Variants in LUM observed in about 807,000 individuals in gnomAD.
LUM encodes KSPG lumican.
In LUM, 13 loss-of-function variants were observed where a neutral mutation model predicts 20.5. The ratio of observed to expected loss-of-function variants is 0.63; its 90% CI spans 0.41 to 1.01. The LOEUF is 1.01. LUM is among the 50% of genes least tolerant of loss of function. LUM has a pLI of 0.00. For missense variants in LUM, 321 were observed against 391.1 expected (o/e 0.82, Z 1.51); for synonymous variants, 173 against 151.5 (o/e 1.14, Z -1.04).
At chr12:91,109,489 G>C (rs930588163) in intron 1 of LUM, among the ~76,000 whole-genome samples, 15 of 152,124 alleles carry the variant, frequency 9.9e-5, no homozygotes, top group Non-Finnish European at 1.9e-4. Context: ...TTGTATGTGG[G>C]AGGGAAATGG....
At chr12:91,110,587 T>A (rs534067495) in intron 1 of LUM, among the ~76,000 whole-genome samples, 1 of 152,324 alleles carries the variant, frequency 6.6e-6, no homozygotes, top group South Asian at 2.1e-4. Flanking sequence ...TAAAGATTTG[T>A]CTTGCTTTAT....
chr12:91,108,301 G>T lies in LUM; in HGVS notation c.679C>A (p.Arg227Ser). ...CGCAGATACTGCAATGCATTAAAACGCTTGAAATACTCATCAGGGATGTTG... is the reference window on the plus strand; with the variant it reads ...CGCAGATACTGCAATGCATTAAAACTCTTGAAATACTCATCAGGGATGTTG... ...ISNIPDEYFK[R>S]FNALQYLRLS... Residue 227 changes from arginine to serine, a missense_variant, in exon 2 of 3, where the codon CGT (arginine) becomes AGT (serine). Physicochemically the swap from Arg to Ser is moderately radical, Grantham distance 110. Coordinates refer to ENST00000266718, the MANE Select transcript of LUM (RefSeq NM_002345.4). The surrounding 1 kb of genome is among the most constrained non-coding windows in gnomAD (Gnocchi z 4.2). 6.2e-7 allele frequency: 1 copy of T among 1,614,130 alleles called. No individual in the cohort carries two copies.
At chr12:91,105,021 CTA>C (rs1879999985) in intron 2 of LUM, among the ~76,000 whole-genome samples, 1 of 152,158 alleles carries the variant, frequency 6.6e-6, no homozygotes, top group Non-Finnish European at 1.5e-5. Context: ...TACACAGAAA[CTA>C]TGTTTGCCTA....
In LUM at chr12:91,108,620, C is replaced by T; in HGVS notation, c.360G>A (p.Lys120=). 1 of 1,613,706 alleles carries T rather than the reference C, an allele frequency of 6.2e-7. No homozygotes were observed. Among genetic ancestry groups the T allele is most frequent in the Non-Finnish European group, 8.5e-7 (1 of 1,179,898 alleles). The part of the protein sequence containing the change: ...RVFSKLKQLK[K]LHINHNNLTE... ...TCAGGTTGTTGTGGTTTATATGCAG[C>T]TTCTTCAGTTGTTTCAATTTAGAGA... is the stretch of plus-strand genomic sequence containing the variant. Residue 120 remains lysine, a synonymous_variant, in exon 2 of 3, where the codon AAG becomes AAA. Transcript: ENST00000266718. This position sits in a 1 kb window ranked among gnomAD's most constrained non-coding sequence, Gnocchi z 4.2.
intron 2 of LUM, among the ~76,000 whole-genome samples, chr12:91,104,696 G>A (rs1879993736): frequency 6.6e-6 from 1 of 152,080 alleles, no homozygotes; most frequent in East Asian, 1.9e-4. Context: ...AACAATCTCA[G>A]TATAAGTACT....
At position 91,107,241 on chromosome 12, in the gene LUM, A is replaced by G. The variant is rs574510264; in HGVS notation, c.862+877T>C. On this transcript the variant is annotated intron_variant, in intron 2 of 2. Coordinates refer to ENST00000266718, the MANE Select transcript of LUM (RefSeq NM_002345.4). The stretch of plus-strand genomic sequence containing the variant: ...AGAGAAAGAAGAAAGAAAGAAAGGA[A>G]AGAAAGAAAGAAAGAAAGAAAGAAA... 1.1e-3 allele frequency among the ~76,000 whole-genome samples: 31 copies of G among 27,144 alleles called. 1 individual carries two copies. Among genetic ancestry groups the G allele is most frequent in the African/African-American group, 2.8e-3 (27 of 9,680 alleles). The allele number at this position is 27,144 out of a possible 152,430, so 17.8% of individuals were successfully genotyped here.
At position 91,108,099 on chromosome 12, in the gene LUM, G is replaced by T. The variant is rs1325896994; in HGVS notation, c.862+19C>A. ...AACACTTGAGCACACATCAAACACA[G>T]GAACAGCTTTTTACTTACTCTCAAG... On this transcript the variant is annotated intron_variant, in intron 2 of 2. Transcript: ENST00000266718. This position sits in a 1 kb window ranked among gnomAD's most constrained non-coding sequence, Gnocchi z 4.2. 1.9e-6 allele frequency: 3 copies of T among 1,613,496 alleles called. No homozygotes were observed. The South Asian group carries it at 3.3e-5, about 18-fold the overall frequency.
intron 1 of LUM, among the ~76,000 whole-genome samples, chr12:91,110,216 T>G (rs1308767775): frequency 6.6e-6 from 1 of 152,184 alleles, no homozygotes; most frequent in Non-Finnish European, 1.5e-5. Context: ...TTCTAATAGA[T>G]AACTGAGAAT....
At position 91,108,191 on chromosome 12, in the gene LUM, A is replaced by G; in HGVS notation, c.789T>C (p.Tyr263=). Reference sequence around the variant, plus strand: ...CAGTTGGTATGTTTTTAAGCTTGTTATAGGACAGATCCAGCTCAACCAGGG... The same window carrying G: ...CAGTTGGTATGTTTTTAAGCTTGTTGTAGGACAGATCCAGCTCAACCAGGG... ...VSSLVELDLS[Y]NKLKNIPTVN... Residue 263 remains tyrosine (Y), a synonymous_variant, in exon 2 of 3, where the codon TAT becomes TAC. Transcript: ENST00000266718. This position sits in a 1 kb window ranked among gnomAD's most constrained non-coding sequence, Gnocchi z 4.2. 6 of 1,614,092 alleles carry G rather than the reference A, an allele frequency of 3.7e-6. No homozygotes were observed. The highest frequency in any genetic ancestry group is 5.1e-6 in the Non-Finnish European group (6 of 1,179,962).
chr12:91,104,279 T>C lies in LUM; in HGVS notation c.903A>G (p.Leu301=). 1 of 1,612,728 alleles carries C rather than the reference T, an allele frequency of 6.2e-7. No individual in the cohort carries two copies. Among genetic ancestry groups the C allele is most frequent in the Non-Finnish European group, 8.5e-7 (1 of 1,179,214 alleles). The change falls in exon 3 of 3, where the codon TTA becomes TTG. Residue 301 remains leucine (L), a synonymous_variant. Transcript: ENST00000266718. ...IKSFCKILGP[L]SYSKIKHLRL... is the part of the protein sequence containing the mutation. ...GCAAATGCTTGATCTTGGAGTAGGATAATGGCCCCAGGATCTTGCAGAAGC... is the reference window on the plus strand; with the variant it reads ...GCAAATGCTTGATCTTGGAGTAGGACAATGGCCCCAGGATCTTGCAGAAGC...
At chr12:91,111,146 A>G (rs984801468) in intron 1 of LUM, among the ~76,000 whole-genome samples, 3 of 152,168 alleles carry the variant, frequency 2.0e-5, no homozygotes, top group Non-Finnish European at 2.9e-5. Context: ...TACTTTAACT[A>G]TTTTCTCATT....
chr12:91,108,300 C>T lies in LUM; in HGVS notation c.680G>A (p.Arg227His), dbSNP rs912133731. ...ISNIPDEYFK[R>H]FNALQYLRLS... ...ACGCAGATACTGCAATGCATTAAAA[C>T]GCTTGAAATACTCATCAGGGATGTT... Residue 227 changes from arginine (R) to histidine (H), a missense_variant, in exon 2 of 3, where the codon CGT (arginine) becomes CAT (histidine). By Grantham distance (29) the Arg-to-His change is conservative. Coordinates refer to ENST00000266718, the MANE Select transcript of LUM (RefSeq NM_002345.4). The surrounding 1 kb of genome is among the most constrained non-coding windows in gnomAD (Gnocchi z 4.2). 2 of 1,614,008 alleles carry T rather than the reference C, an allele frequency of 1.2e-6. No homozygotes were observed. The highest frequency in any genetic ancestry group is 2.7e-5 in the African/African-American group (2 of 74,920).
In LUM at chr12:91,108,739, T is replaced by A. The variant is rs765342841; in HGVS notation, c.241A>T (p.Ile81Phe). The change falls in exon 2 of 3, where the codon ATT becomes TTT. Residue 81 changes from isoleucine to phenylalanine, a missense_variant. Ile to Phe is a conservative substitution (Grantham distance 21). Transcript: ENST00000266718. The surrounding 1 kb of genome is among the most constrained non-coding windows in gnomAD (Gnocchi z 4.2). ...ACATTCTCAAAGGCCTTTTCATCAATATGGTCAATCTGGTTATTCCTAAGG... is the reference window on the plus strand; with the variant it reads ...ACATTCTCAAAGGCCTTTTCATCAAAATGGTCAATCTGGTTATTCCTAAGG... ...LYLRNNQIDH[I>F]DEKAFENVTD... 1 of 1,614,142 alleles carries A rather than the reference T, an allele frequency of 6.2e-7. No homozygotes were observed. Among genetic ancestry groups the A allele is most frequent in the Non-Finnish European group, 8.5e-7 (1 of 1,180,006 alleles).
chr12:91,110,651 G>C (rs937832275), intron 1 of LUM, among the ~76,000 whole-genome samples: 2 of 152,098 alleles, frequency 1.3e-5, no homozygotes, highest in Non-Finnish European at 2.9e-5. Context: ...TATAATGTGA[G>C]TATTAAATAG....
At chr12:91,106,467 G>A (rs1398213835) in intron 2 of LUM, among the ~76,000 whole-genome samples, 2 of 151,888 alleles carry the variant, frequency 1.3e-5, no homozygotes, top group African/African-American at 4.8e-5. Context: ...TATCCTGGTA[G>A]GAAATGGTGG....
intron 1 of LUM, among the ~76,000 whole-genome samples, chr12:91,110,897 A>T (rs573542643): frequency 6.6e-6 from 1 of 152,196 alleles, no homozygotes; most frequent in Admixed American, 6.6e-5. Context: ...AAATTTTTTA[A>T]ATTAACAAAA....
chr12:91,104,796 T>C (rs189693400), intron 2 of LUM, among the ~76,000 whole-genome samples: 14 of 152,204 alleles, frequency 9.2e-5, no homozygotes, highest in Middle Eastern at 3.4e-3. Context: ...ATGATAAAAA[T>C]TCCAAGACAA....
At chr12:91,107,028 C>A (rs1044737064) in intron 2 of LUM, among the ~76,000 whole-genome samples, 2 of 150,672 alleles carry the variant, frequency 1.3e-5, no homozygotes, top group Middle Eastern at 3.4e-3. Context: ...AAAAATTAGC[C>A]TGGTGGTGGT....
chr12:91,107,243 GAA>G (rs1238511552), intron 2 of LUM, among the ~76,000 whole-genome samples: 8 of 28,732 alleles, frequency 2.8e-4, no homozygotes, highest in African/African-American at 7.4e-4. Flanking sequence ...AGAAAGGAAA[GAA>G]AGAAAGAAAG....
Sources: allele counts gnomAD v4.1 joint callset (sites outside exome capture counted in the v4.1 genomes callset), GRCh38; gene constraint gnomAD v4.1.1; non-coding constraint Gnocchi (gnomAD v3.1); transcripts MANE v1.5; gene names NCBI Gene and HGNC (gene_info 2026-07-23, HGNC 2026-07-21).